The following PDE4D variants were observed in gnomAD, a reference collection of about 807,000 sequenced individuals.
The protein encoded by PDE4D is 3',5'-cyclic-AMP phosphodiesterase 4D.
Under a neutral mutation model 87.4 loss-of-function variants are expected in PDE4D, and 24 were observed. That is an observed-to-expected ratio of 0.27 (90% CI 0.20 to 0.39). PDE4D has a LOEUF of 0.39. Among genes scored for constraint, PDE4D ranks in the 10% least tolerant of loss-of-function variants. PDE4D has a pLI of 1.00. For missense variants in PDE4D, 714 were observed against 1,041.0 expected (o/e 0.69, Z 4.32); for synonymous variants, 384 against 383.2 (o/e 1.00, Z -0.02).
At chr5:59,765,696 G>A (rs1762702863) in intron 1 of PDE4D, among the ~76,000 whole-genome samples, 1 of 152,184 alleles carries the variant, frequency 6.6e-6, no homozygotes, top group Admixed American at 6.5e-5. Flanking sequence ...TGGAACCACA[G>A]GATGGTAGAA....
At chr5:59,144,901 G>GC (rs1396529117) in intron 5 of PDE4D, among the ~76,000 whole-genome samples, 31 of 139,294 alleles carry the variant, frequency 2.2e-4, no homozygotes, top group Non-Finnish European at 4.1e-4. Flanking sequence ...GGGGGGGGGG[G>GC]GGGGAACCAT....
intron 1 of PDE4D, among the ~76,000 whole-genome samples, chr5:59,617,165 T>C (rs1455813208): frequency 1.3e-5 from 2 of 151,816 alleles, no homozygotes; most frequent in African/African-American, 2.4e-5. Flanking sequence ...GCTTTGCTTA[T>C]GGGTAAATTA....
intron 1 of PDE4D, among the ~76,000 whole-genome samples, chr5:59,471,251 A>T (rs930725316): frequency 2.6e-5 from 4 of 152,184 alleles, no homozygotes; most frequent in Non-Finnish European, 5.9e-5. Flanking sequence ...TCTCAAAAAG[A>T]AAAAGAAAAA....
At chr5:60,320,187 G>A (rs1436151294) in intron 1 of PDE4D, among the ~76,000 whole-genome samples, 9 of 152,224 alleles carry the variant, frequency 5.9e-5, no homozygotes, top group African/African-American at 1.4e-4. Context: ...AATGGCGGGA[G>A]CCCCTCCCCC....
At chr5:60,427,089 C>T (rs376664158) in intron 1 of PDE4D, among the ~76,000 whole-genome samples, 17 of 151,928 alleles carry the variant, frequency 1.1e-4, no homozygotes, top group East Asian at 3.9e-4. Flanking sequence ...ATAGTCTTAA[C>T]GTAAATGTAA....
intron 1 of PDE4D, among the ~76,000 whole-genome samples, chr5:59,362,648 G>A (rs1268311259): frequency 1.3e-5 from 2 of 152,134 alleles, no homozygotes; most frequent in East Asian, 1.9e-4. Context: ...GAGACAGGTT[G>A]TTTAATTGGG....
intron 1 of PDE4D, among the ~76,000 whole-genome samples, chr5:59,381,186 T>A (rs376084115): frequency 1.3e-5 from 2 of 152,210 alleles, no homozygotes; most frequent in Non-Finnish European, 2.9e-5. Flanking sequence ...ATTAGCTTTG[T>A]GGTCCAGGTA....
intron 2 of PDE4D, among the ~76,000 whole-genome samples, chr5:60,008,615 A>G (rs1408508393): frequency 2.0e-5 from 3 of 151,982 alleles, no homozygotes; most frequent in African/African-American, 7.2e-5. Context: ...CTATGGGAGA[A>G]GCAACATAAA....
At chr5:59,332,345 AAC>A (rs1268492370) in intron 1 of PDE4D, among the ~76,000 whole-genome samples, 1 of 152,132 alleles carries the variant, frequency 6.6e-6, no homozygotes, top group Non-Finnish European at 1.5e-5. Flanking sequence ...AACTGAGAGA[AAC>A]ACTGTTATTT....
Position 59,994,086 on chromosome 5 carries a change from A to T in PDE4D, c.43-5369T>A, listed in dbSNP as rs139081044. ...TTGTTTGTTTCAGTTTTTATCCAAG[A>T]TATTTAATTAATTTCTTTGTTTAAT... On this transcript the variant is annotated intron_variant, in intron 2 of 16. Transcript: ENST00000502484. 2.6e-3 allele frequency among the ~76,000 whole-genome samples: 391 copies of T among 152,026 alleles called. 3 individuals are homozygous for T. Among genetic ancestry groups the T allele is most frequent in the African/African-American group, 8.5e-3 (355 of 41,530 alleles).
intron 1 of PDE4D, among the ~76,000 whole-genome samples, chr5:59,299,893 T>G (rs1393825842): frequency 6.6e-6 from 1 of 152,172 alleles, no homozygotes; most frequent in Non-Finnish European, 1.5e-5. Context: ...GCAGATCACC[T>G]GAGGTCAGGA....
chr5:59,999,499 C>A (rs1162639952), intron 2 of PDE4D, among the ~76,000 whole-genome samples: 2 of 104,596 alleles, frequency 1.9e-5, no homozygotes, highest in Admixed American at 1.1e-4. Context: ...AGAACACACA[C>A]AAATTCAAAG....
At chr5:59,867,494 A>C (rs2152733644) in intron 1 of PDE4D, among the ~76,000 whole-genome samples, 1 of 152,316 alleles carries the variant, frequency 6.6e-6, no homozygotes, top group South Asian at 2.1e-4. Context: ...TGTGAGGGTA[A>C]GTTTGGTGTA....
At chr5:59,295,136 A>G (rs1361551750) in intron 1 of PDE4D, among the ~76,000 whole-genome samples, 1 of 152,228 alleles carries the variant, frequency 6.6e-6, no homozygotes, top group African/African-American at 2.4e-5. Context: ...CAAAGCGTCC[A>G]TGAACCATTT....
intron 1 of PDE4D, among the ~76,000 whole-genome samples, chr5:59,454,998 G>T (rs568620456): frequency 6.6e-6 from 1 of 152,294 alleles, no homozygotes; most frequent in African/African-American, 2.4e-5. Context: ...GGTGACTTGG[G>T]TGCCGTTAAA....
At chr5:59,366,148 T>A (rs1224282302) in intron 1 of PDE4D, among the ~76,000 whole-genome samples, 1 of 152,168 alleles carries the variant, frequency 6.6e-6, no homozygotes, top group East Asian at 1.9e-4. Flanking sequence ...TTTAAGAAAC[T>A]GCTTCTTAAC....
intron 10 of PDE4D, 77 bp downstream of exon 10, chr5:58,989,678 A>C (rs898866078): frequency 6.0e-6 from 5 of 828,364 alleles, no homozygotes; most frequent in Non-Finnish European, 9.2e-6. Context: ...TCTCCATTGA[A>C]AACCCTTCAG....
Position 60,116,984 on chromosome 5 carries a change from T to C in PDE4D, c.42+68573A>G, listed in dbSNP as rs541431649. Among the ~76,000 whole-genome samples the C allele has an allele frequency of 8.5e-5, 13 of 152,188 alleles. No homozygotes were observed. The South Asian group carries it at 2.5e-3, about 29-fold the overall frequency. On this transcript the variant is annotated intron_variant, in intron 2 of 16. Coordinates refer to the PDE4D transcript ENST00000502484. ...GCTAATGTTAGCTATACTTAGATTT[T>C]TTCTGCAAAAATTATTATGAAGAAG...
At chr5:59,176,558 GA>G (rs11354852) in intron 5 of PDE4D, among the ~76,000 whole-genome samples, 7,868 of 124,712 alleles carry the variant, frequency 0.063, 249 homozygotes, top group East Asian at 0.11. Context: ...TCTATCTCAA[GA>G]AAAAAAAAAA....
Sources: gnomAD v4.1 joint callset for allele counts (sites outside exome capture counted in the v4.1 genomes callset) on GRCh38, gnomAD v4.1.1 for gene constraint, MANE v1.5 for transcripts, NCBI Gene and HGNC (gene_info 2026-07-23, HGNC 2026-07-21) for gene names.